SPECC1: variants seen among roughly 807,000 people sequenced by gnomAD.
SPECC1 encodes sperm antigen with calponin homology and coiled-coil domains 1.
Under a neutral mutation model 104.1 loss-of-function variants are expected in SPECC1, and 62 were observed. That is an observed-to-expected ratio of 0.60 (90% CI 0.49 to 0.74). SPECC1 has a LOEUF of 0.74. Ranked by LOEUF, SPECC1 falls within the 30% of genes least tolerant of loss-of-function variation. SPECC1 has a pLI of 0.00. For missense variants in SPECC1, 1,306 were observed against 1,310.5 expected, an observed-to-expected ratio of 1.00 and a Z score of 0.05; for synonymous variants, 513 against 501.6, an observed-to-expected ratio of 1.02 and a Z score of -0.30.
intron 4 of SPECC1, among the ~76,000 whole-genome samples, chr17:20,207,834 C>G (rs2036884308): frequency 6.6e-6 from 1 of 152,142 alleles, no homozygotes; most frequent in Non-Finnish European, 1.5e-5. Context: ...TGTCCACATT[C>G]CATTACAAAG....
chr17:20,046,195 C>G (rs1011877075), intron 1 of SPECC1, among the ~76,000 whole-genome samples: 1 of 152,150 alleles, frequency 6.6e-6, no homozygotes, highest in African/African-American at 2.4e-5. Context: ...ATCCTTCCAC[C>G]TCAGCCTCCT....
At chr17:20,101,115 G>T (rs991022275) in intron 2 of SPECC1, among the ~76,000 whole-genome samples, 1 of 152,140 alleles carries the variant, frequency 6.6e-6, no homozygotes, top group Non-Finnish European at 1.5e-5. Flanking sequence ...AAATAGTGCT[G>T]CAATAAACAT....
At chr17:20,261,923 T>G (rs2040039352) in intron 12 of SPECC1, among the ~76,000 whole-genome samples, 1 of 152,222 alleles carries the variant, frequency 6.6e-6, no homozygotes, top group African/African-American at 2.4e-5. Flanking sequence ...TTCCTATGAC[T>G]TTCCCATCAT....
chr17:20,301,245 A>C (rs1039553239), intron 13 of SPECC1, among the ~76,000 whole-genome samples: 1 of 152,228 alleles, frequency 6.6e-6, no homozygotes, highest in African/African-American at 2.4e-5. Context: ...TAGAGCAGAG[A>C]GGGGAAAGAG....
At chr17:20,238,998 C>T (rs1432640309) in intron 7 of SPECC1, 1 of 1,036,314 alleles carries the variant, frequency 9.6e-7, no homozygotes, top group Non-Finnish European at 1.2e-6. Flanking sequence ...AAAGTCACAT[C>T]AAGTAACTAG....
At chr17:20,228,764 T>C (rs1033440444) in intron 5 of SPECC1, among the ~76,000 whole-genome samples, 3 of 152,242 alleles carry the variant, frequency 2.0e-5, no homozygotes, top group Non-Finnish European at 4.4e-5. Context: ...TTGCTTTGAA[T>C]TGGGAAAGAA....
rs534635410 is a variant in SPECC1, at chr17:20,016,807, C to T, written c.-22+7383C>T. On this transcript the variant is annotated intron_variant, in intron 1 of 14. Transcript: ENST00000395527. The stretch of plus-strand genomic sequence containing the variant: ...TCGACCACCAGAGGGCTGAGGAGTG[C>T]GGGCGCAGGGCGCGGGACTGGCAGG... Among the ~76,000 whole-genome samples the T allele has an allele frequency of 5.1e-4, 78 of 152,346 alleles. 1 individual carries two copies. The highest frequency in any genetic ancestry group is 5.4e-4 in the Non-Finnish European group (37 of 68,028).
intron 1 of SPECC1, among the ~76,000 whole-genome samples, chr17:20,075,860 T>C (rs184663722): frequency 2.3e-4 from 35 of 152,270 alleles, no homozygotes; most frequent in Non-Finnish European, 2.4e-4. Context: ...TGTAAGAAGA[T>C]CGCTTGAAAT....
chr17:20,258,827 T>C (rs894296236), intron 11 of SPECC1, among the ~76,000 whole-genome samples: 3 of 152,270 alleles, frequency 2.0e-5, no homozygotes, highest in Non-Finnish European at 2.9e-5. Context: ...TCTCTGACTT[T>C]GGCGTCTTAC....
chr17:20,271,244 G>A (rs946766185), intron 12 of SPECC1, among the ~76,000 whole-genome samples: 1 of 151,796 alleles, frequency 6.6e-6, no homozygotes, highest in African/African-American at 2.4e-5. Context: ...CCTCTACGTT[G>A]CTGACTAGCA....
intron 1 of SPECC1, among the ~76,000 whole-genome samples, chr17:20,021,674 TA>T (rs71357408): frequency 7.3e-4 from 104 of 141,790 alleles, no homozygotes; most frequent in East Asian, 2.7e-3. Context: ...TATATATATA[TA>T]ATATAATAAT....
At chr17:20,035,431 G>A (rs1205094534) in intron 1 of SPECC1, among the ~76,000 whole-genome samples, 3 of 152,180 alleles carry the variant, frequency 2.0e-5, no homozygotes, top group Middle Eastern at 3.4e-3. Flanking sequence ...TATATTTCAC[G>A]CTATTTAAGT....
At chr17:20,222,231 A>G (rs1454525854) in intron 4 of SPECC1, among the ~76,000 whole-genome samples, 1 of 152,022 alleles carries the variant, frequency 6.6e-6, no homozygotes, top group African/African-American at 2.4e-5. Context: ...TACTTGGGAG[A>G]CTGAGACAGG....
At chr17:20,189,924 CAAAG>C (rs1247920240) in intron 3 of SPECC1, among the ~76,000 whole-genome samples, 1 of 152,144 alleles carries the variant, frequency 6.6e-6, no homozygotes, top group Non-Finnish European at 1.5e-5. Context: ...TTGCTTTTAA[CAAAG>C]GAAGTAAAAT....
intron 1 of SPECC1, among the ~76,000 whole-genome samples, chr17:20,059,446 C>A (rs867658618): frequency 6.6e-5 from 10 of 152,270 alleles, no homozygotes; most frequent in Middle Eastern, 6.8e-3. Flanking sequence ...TTGCTCACCT[C>A]CTGCTGTGTG....
intron 1 of SPECC1, among the ~76,000 whole-genome samples, chr17:20,031,745 A>G (rs2044822944): frequency 6.6e-6 from 1 of 152,196 alleles, no homozygotes; most frequent in African/African-American, 2.4e-5. Context: ...ATACAAGTGA[A>G]GTAATATGGT....
intron 7 of SPECC1, among the ~76,000 whole-genome samples, chr17:20,240,149 T>C (rs556968952): frequency 7.4e-6 from 1 of 134,318 alleles, no homozygotes; most frequent in Non-Finnish European, 1.5e-5. Context: ...ACTCCTGGGC[T>C]CAAGTGATCC....
intron 1 of SPECC1, among the ~76,000 whole-genome samples, chr17:20,084,647 A>G (rs755217311): frequency 1.4e-4 from 21 of 151,954 alleles, no homozygotes; most frequent in Admixed American, 3.3e-4. Flanking sequence ...TTGTTTTTTT[A>G]TCTTAGTTAT....
intron 1 of SPECC1, among the ~76,000 whole-genome samples, chr17:20,014,655 G>A (rs180684645): frequency 3.8e-4 from 58 of 152,266 alleles, no homozygotes; most frequent in Non-Finnish European, 4.0e-4. Context: ...AAGTGCACGC[G>A]TCTGACTCTC....
Sources: gnomAD v4.1 joint callset for allele counts (sites outside exome capture counted in the v4.1 genomes callset) on GRCh38, gnomAD v4.1.1 for gene constraint, MANE v1.5 for transcripts, NCBI Gene and HGNC (gene_info 2026-07-23, HGNC 2026-07-21) for gene names.